Variants in MBOAT2 observed in about 807,000 individuals in gnomAD.
MBOAT2 encodes membrane bound glycerophospholipid O-acyltransferase 2.
MBOAT2 carries 28 observed loss-of-function variants against 63.4 expected under a neutral mutation model. The ratio of observed to expected loss-of-function variants is 0.44; its 90% CI spans 0.33 to 0.61. MBOAT2 has a LOEUF of 0.61. Ranked by LOEUF, MBOAT2 falls within the 20% of genes least tolerant of loss-of-function variation. The probability of loss-of-function intolerance (pLI) is 0.03; values close to 1 mark genes in which losing one functional copy is unlikely to be tolerated. For missense variants in MBOAT2, 470 were observed against 605.8 expected (o/e 0.78, Z 2.35); for synonymous variants, 211 against 215.6 (o/e 0.98, Z 0.19).
chr2:8,860,961 TA>T, intron 11 of MBOAT2, 197 bp from the exon 12 acceptor site: 1 of 380,806 alleles, frequency 2.6e-6, no homozygotes, highest in African/African-American at 2.1e-5. Flanking sequence ...ACACTGTGTA[TA>T]AAAGACAGAG....
chr2:8,944,280 A>T (rs1558642363), intron 2 of MBOAT2, among the ~76,000 whole-genome samples: 1 of 152,212 alleles, frequency 6.6e-6, no homozygotes, highest in Non-Finnish European at 1.5e-5. Context: ...ACTAAAATCA[A>T]TCAAAACTAT....
intron 4 of MBOAT2, chr2:8,908,317 T>C (rs556955447): frequency 1.0e-4 from 22 of 216,880 alleles, no homozygotes; most frequent in African/African-American, 5.0e-4. Flanking sequence ...ATAGGTGAAA[T>C]GCATAGAAGT....
At chr2:8,976,929 G>A (rs1670858320) in intron 1 of MBOAT2, among the ~76,000 whole-genome samples, 3 of 152,138 alleles carry the variant, frequency 2.0e-5, no homozygotes, top group Admixed American at 1.3e-4. Flanking sequence ...CAAGAAGCCA[G>A]AAAGAGAGAA....
intron 5 of MBOAT2, among the ~76,000 whole-genome samples, chr2:8,883,568 G>A (rs546637154): frequency 1.4e-4 from 22 of 152,314 alleles, no homozygotes; most frequent in African/African-American, 4.8e-4. Context: ...ACTGAGGAAA[G>A]AGCAGACGAA....
intron 4 of MBOAT2, among the ~76,000 whole-genome samples, chr2:8,903,110 GAC>G (rs1474977408): frequency 6.6e-6 from 1 of 152,166 alleles, no homozygotes; most frequent in African/African-American, 2.4e-5. Context: ...CGATTAGCTA[GAC>G]ACAGAGCGCT....
At chr2:8,878,802 C>G (rs986601610) in intron 6 of MBOAT2, among the ~76,000 whole-genome samples, 1 of 152,150 alleles carries the variant, frequency 6.6e-6, no homozygotes, top group African/African-American at 2.4e-5. Flanking sequence ...CTTGGCCGGG[C>G]GCGGTGGCTC....
At chr2:9,001,575 A>G (rs1455317368) in intron 1 of MBOAT2, among the ~76,000 whole-genome samples, 1 of 152,224 alleles carries the variant, frequency 6.6e-6, no homozygotes, top group Admixed American at 6.5e-5. Flanking sequence ...AGGGCTACAC[A>G]TGGCTGTACA....
intron 2 of MBOAT2, among the ~76,000 whole-genome samples, chr2:8,946,570 T>C (rs1351650964): frequency 2.6e-5 from 4 of 152,224 alleles, no homozygotes; most frequent in African/African-American, 7.2e-5. Flanking sequence ...TGCCAGCCTC[T>C]TGGCACCATT....
rs2103342252 is a variant in MBOAT2 at position 8,983,372 on chromosome 2, A to G, written c.75+20168T>C. Among the ~76,000 whole-genome samples, 2 of 152,320 alleles carry G rather than the reference A, an allele frequency of 1.3e-5. 1 individual carries two copies. The highest frequency in any genetic ancestry group is 4.1e-4 in the South Asian group (2 of 4,832). The stretch of plus-strand genomic sequence containing the variant: ...ACCCAATATGAAACAGATAATTTAA[A>G]CAGCCCTGTAACTGTTAACGAAACA... On this transcript the variant is annotated intron_variant, in intron 1 of 12. Coordinates refer to ENST00000305997, the MANE Select transcript of MBOAT2 (RefSeq NM_138799.4).
intron 3 of MBOAT2, among the ~76,000 whole-genome samples, chr2:8,910,266 A>C (rs367747790): frequency 6.6e-6 from 1 of 152,228 alleles, no homozygotes; most frequent in African/African-American, 2.4e-5. Context: ...GATCACACAC[A>C]TCTAGGGGAC....
At chr2:8,926,498 T>C (rs1219365813) in intron 3 of MBOAT2, among the ~76,000 whole-genome samples, 2 of 152,120 alleles carry the variant, frequency 1.3e-5, no homozygotes, top group African/African-American at 4.8e-5. Context: ...AGAATTCATG[T>C]TGGGGGCAGG....
At chr2:8,995,219 A>G (rs1380446807) in intron 1 of MBOAT2, among the ~76,000 whole-genome samples, 4 of 152,200 alleles carry the variant, frequency 2.6e-5, no homozygotes, top group Non-Finnish European at 5.9e-5. Flanking sequence ...TCAATCAATC[A>G]ATCAATACAA....
In MBOAT2 at chr2:8,950,055, T is replaced by C. The variant is rs575812241; in HGVS notation, c.222-6791A>G. ...TCGCCTCCCTAGTTAGATGTATTCC[T>C]AGGTATTTTTTTTTCTGTGTGGCTA... is the stretch of plus-strand genomic sequence containing the variant. On this transcript the variant is annotated intron_variant, in intron 2 of 12. Transcript: ENST00000305997. 2.0e-5 allele frequency among the ~76,000 whole-genome samples: 3 copies of C among 152,304 alleles called. No homozygotes were observed. The East Asian group carries it at 5.8e-4, about 29-fold the overall frequency.
intron 3 of MBOAT2, among the ~76,000 whole-genome samples, chr2:8,932,847 C>T (rs1391380953): frequency 6.6e-6 from 1 of 152,032 alleles, no homozygotes; most frequent in South Asian, 2.1e-4. Context: ...TTCTATTAAA[C>T]CATACTCTTT....
In MBOAT2 at chr2:8,858,614, A is replaced by T. The variant is rs1473187900; in HGVS notation, c.*65T>A. On this transcript the variant is annotated 3_prime_UTR_variant, in exon 13 of 13. Transcript: ENST00000305997. ...TTTTCCAACAAACTCAAACCCCTTG[A>T]AAAGGTGCTAAGATTGGTTTCTGTT... The T allele has an allele frequency of 4.8e-6, 6 of 1,246,176 alleles. No individual in the cohort carries two copies. The highest frequency in any genetic ancestry group is 1.5e-5 in the African/African-American group (1 of 66,222). The allele number at this position is 1,246,176 out of a possible 1,614,324, so 77.2% of individuals were successfully genotyped here. A position where few individuals can be genotyped will look rare whatever the true frequency, so the allele number is the denominator to read the frequency against.
intron 8 of MBOAT2, 72 bp downstream of exon 8, chr2:8,873,036 T>C (rs1200082684): frequency 1.4e-6 from 2 of 1,418,860 alleles, no homozygotes; most frequent in Non-Finnish European, 1.9e-6. Flanking sequence ...GAGGGCGCAC[T>C]GATAGCAATC....
chr2:8,879,054 C>A (rs1040845834), intron 6 of MBOAT2, among the ~76,000 whole-genome samples: 1 of 134,242 alleles, frequency 7.4e-6, no homozygotes, highest in East Asian at 2.1e-4. Context: ...CCAGCCTGGG[C>A]GACAGAGCGA....
chr2:8,974,529 C>T (rs1670682522), intron 1 of MBOAT2: 2 of 420,470 alleles, frequency 4.8e-6, no homozygotes, highest in Admixed American at 5.2e-5. Flanking sequence ...ATCCAGAAAG[C>T]ATGCTATCTC....
intron 1 of MBOAT2, among the ~76,000 whole-genome samples, chr2:8,997,062 T>C (rs545480204): frequency 6.6e-6 from 1 of 152,234 alleles, no homozygotes; most frequent in East Asian, 1.9e-4. Flanking sequence ...AGCCTACCTT[T>C]CCACCCATCA....
Sources: gnomAD v4.1 joint callset for allele counts (sites outside exome capture counted in the v4.1 genomes callset) on GRCh38, gnomAD v4.1.1 for gene constraint, MANE v1.5 for transcripts, NCBI Gene and HGNC (gene_info 2026-07-23, HGNC 2026-07-21) for gene names.